Variants in FOXN4 observed in about 807,000 individuals in gnomAD.
FOXN4 encodes forkhead box protein N4.
A neutral mutation model predicts 45.0 loss-of-function variants in FOXN4; 12 were observed. That is an observed-to-expected ratio of 0.27 (90% CI 0.17 to 0.43). The LOEUF (loss-of-function observed/expected upper bound fraction) is 0.43, where lower values mean the gene tolerates loss of function less well. Ranked by LOEUF, FOXN4 falls within the 20% of genes least tolerant of loss-of-function variation. The pLI is 1.00. For missense variants in FOXN4, 560 were observed against 694.9 expected (o/e 0.81, Z 2.18); for synonymous variants, 297 against 295.0 (o/e 1.01, Z -0.07).
At chr12:109,284,297 G>T (rs868813842) in intron 8 of FOXN4, among the ~76,000 whole-genome samples, 1 of 152,244 alleles carries the variant, frequency 6.6e-6, no homozygotes, top group Non-Finnish European at 1.5e-5. Flanking sequence ...GGGTTGGGGA[G>T]GGGGAGGCCT....
At position 109,286,709 on chromosome 12, in the gene FOXN4, G is replaced by T. The variant is rs2047714682; in HGVS notation, c.632C>A (p.Thr211Lys). 6.2e-7 allele frequency: 1 copy of T among 1,608,268 alleles called. No homozygotes were observed. Residue 211 changes from threonine to lysine, a missense_variant, in exon 7 of 10, where the codon ACA becomes AAA. Thr to Lys is a moderately conservative substitution (Grantham distance 78). Around this residue, in one of 5 missense-constraint regions of FOXN4, gnomAD observed 39 missense variants for 81.7 expected, o/e 0.48. Coordinates refer to ENST00000299162, the MANE Select transcript of FOXN4 (RefSeq NM_213596.3). Reference sequence around the variant, plus strand: ...GATCTCGCTCACAGGCAGGCTGCCTGTCTTGCTGTTCTTCAGGGCCATGGC... The same window carrying T: ...GATCTCGCTCACAGGCAGGCTGCCTTTCTTGCTGTTCTTCAGGGCCATGGC... Reference protein sequence around the residue: ...LIAMALKNSKTGSLPVSEIYS... With the variant: ...LIAMALKNSKKGSLPVSEIYS...
rs1032735186 is a variant in FOXN4 at position 109,291,793 on chromosome 12, C to T, written c.87-1507G>A. Among the ~76,000 whole-genome samples the T allele has an allele frequency of 6.6e-6, 1 of 152,096 alleles. No homozygotes were observed. Among genetic ancestry groups the T allele is most frequent in the East Asian group, 1.9e-4 (1 of 5,154 alleles). On this transcript the variant is annotated intron_variant, in intron 2 of 9. Coordinates refer to ENST00000299162, the MANE Select transcript of FOXN4 (RefSeq NM_213596.3). The surrounding 1 kb of genome is among the most constrained non-coding windows in gnomAD (Gnocchi z 6.6). Reference sequence around the variant, plus strand: ...CGATTTGAAAACGCGGCCGGCCGGCCGTGTCAGTGGCAGCAGTTGGTCCGG... The same window carrying T: ...CGATTTGAAAACGCGGCCGGCCGGCTGTGTCAGTGGCAGCAGTTGGTCCGG...
chr12:109,298,260 G>A (rs914566099), intron 2 of FOXN4, among the ~76,000 whole-genome samples: 2 of 151,892 alleles, frequency 1.3e-5, no homozygotes, highest in East Asian at 1.9e-4. Flanking sequence ...AGTAGCCGAG[G>A]GGATGAACTG....
rs886157721 is a variant in FOXN4, at chr12:109,288,204, G to A, written c.233-24C>T. On this transcript the variant is annotated intron_variant, in intron 3 of 9. Coordinates refer to ENST00000299162, the MANE Select transcript of FOXN4 (RefSeq NM_213596.3). This position sits in a 1 kb window ranked among gnomAD's most constrained non-coding sequence, Gnocchi z 4.3. Reference sequence around the variant, plus strand: ...ACCTGCCGGAGAGAAGCACAGAGACGCTGCTGGGCTGGAGGAATGGTGGCT... The same window carrying A: ...ACCTGCCGGAGAGAAGCACAGAGACACTGCTGGGCTGGAGGAATGGTGGCT... 2.5e-5 allele frequency: 39 copies of A among 1,542,306 alleles called. No homozygotes were observed. The Middle Eastern group carries it at 7.0e-4, about 28-fold the overall frequency.
chr12:109,296,963 G>A (rs917168743), intron 2 of FOXN4, among the ~76,000 whole-genome samples: 1 of 152,176 alleles, frequency 6.6e-6, no homozygotes, highest in East Asian at 1.9e-4. Flanking sequence ...GATTGTTATC[G>A]TCACCACCTT....
chr12:109,285,147 T>C, intron 8 of FOXN4, 157 bp downstream of exon 8: 1 of 431,866 alleles, frequency 2.3e-6, no homozygotes, highest in African/African-American at 2.1e-5. Flanking sequence ...CGTGTATTTG[T>C]GTGTGTGCGC....
chr12:109,288,326 C>CACA lies in FOXN4; in HGVS notation c.233-147_233-146insTGT. 1 of 1,158,982 alleles carries CACA rather than the reference C, an allele frequency of 8.6e-7. No individual in the cohort carries two copies. Among genetic ancestry groups the CACA allele is most frequent in the Non-Finnish European group, 1.2e-6 (1 of 844,598 alleles). 71.8% of individuals were successfully genotyped at this position (1,158,982 alleles called of 1,614,324 possible). A position where few individuals can be genotyped will look rare whatever the true frequency, so the allele number is the denominator to read the frequency against. On this transcript the variant is annotated intron_variant, in intron 3 of 9. Transcript: ENST00000299162. The surrounding 1 kb of genome is among the most constrained non-coding windows in gnomAD (Gnocchi z 4.3). The stretch of plus-strand genomic sequence containing the variant: ...ATAGTAGGTGCTTGGCAAATCACTT[C>CACA]CCTGGTGTGTAGTGAAAAGTAGGTT...
chr12:109,305,724 A>C (rs890959255), intron 2 of FOXN4, among the ~76,000 whole-genome samples: 4 of 152,096 alleles, frequency 2.6e-5, no homozygotes, highest in Non-Finnish European at 5.9e-5. Context: ...AGTGACTCAC[A>C]CACACAAAAA....
intron 9 of FOXN4, among the ~76,000 whole-genome samples, 166 bp downstream of exon 9, chr12:109,281,231 GATTTTGGAGC>G (rs1165823029): frequency 1.3e-5 from 2 of 152,160 alleles, no homozygotes; most frequent in African/African-American, 4.8e-5. Flanking sequence ...AAAATTTTTG[GATTTTGGAGC>G]ATTTTGGATT....
chr12:109,283,025 A>C (rs2047667684), intron 8 of FOXN4, among the ~76,000 whole-genome samples: 1 of 151,638 alleles, frequency 6.6e-6, no homozygotes, highest in Non-Finnish European at 1.5e-5. Flanking sequence ...TGAGTTGTTC[A>C]TCCCCAAGCC....
In FOXN4 at chr12:109,279,402, G is replaced by T. The variant is rs1363834779; in HGVS notation, c.*269C>A. The T allele has an allele frequency of 1.9e-6, 1 of 539,490 alleles. No homozygotes were observed. The highest frequency in any genetic ancestry group is 2.1e-5 in the South Asian group (1 of 46,724). The allele number at this position is 539,490 out of a possible 1,614,324, so 33.4% of individuals were successfully genotyped here. ...TCAGGCCTCGGAGGAGTGTCAAGGG[G>T]TCGGGGGATGCTGGGTTGCTTGTCC... On this transcript the variant is annotated 3_prime_UTR_variant, in exon 10 of 10. Coordinates refer to ENST00000299162, the MANE Select transcript of FOXN4 (RefSeq NM_213596.3).
intron 8 of FOXN4, among the ~76,000 whole-genome samples, chr12:109,284,724 A>G (rs1056038507): frequency 6.6e-6 from 1 of 150,960 alleles, no homozygotes; most frequent in African/African-American, 2.4e-5. Flanking sequence ...GCTCCGGTGG[A>G]TGGCGGCCAG....
At chr12:109,293,806 G>C (rs1191068736) in intron 2 of FOXN4, among the ~76,000 whole-genome samples, 1 of 152,168 alleles carries the variant, frequency 6.6e-6, no homozygotes, top group Non-Finnish European at 1.5e-5. Context: ...TAGGCTGACC[G>C]CAGGCCACCA....
rs1049045604 is a variant in FOXN4, at chr12:109,287,343, T to C, written c.596+54A>G. On this transcript the variant is annotated intron_variant, in intron 6 of 9. Coordinates refer to ENST00000299162, the MANE Select transcript of FOXN4 (RefSeq NM_213596.3). The surrounding 1 kb of genome is among the most constrained non-coding windows in gnomAD (Gnocchi z 4.1). ...CTGAGATGCCCTGAGGGCAGCCTCA[T>C]CCCTCTCTCCCGGAGCCGCCCTTGG... is the stretch of plus-strand genomic sequence containing the variant. 3.2e-5 allele frequency: 50 copies of C among 1,547,422 alleles called. No individual in the cohort carries two copies. In the African/African-American group the frequency reaches 6.7e-4, roughly 21 times the overall value.
At chr12:109,285,867 CTT>C (rs10685255) in intron 7 of FOXN4, among the ~76,000 whole-genome samples, 92 of 140,762 alleles carry the variant, frequency 6.5e-4, no homozygotes, top group Admixed American at 2.6e-3. Context: ...TGCAAATTTA[CTT>C]TTTTTTTTTT....
intron 2 of FOXN4, among the ~76,000 whole-genome samples, chr12:109,302,603 A>C (rs2047877613): frequency 1.3e-5 from 2 of 152,220 alleles, no homozygotes; most frequent in Non-Finnish European, 2.9e-5. Context: ...TGAGGATAAG[A>C]TCAGGTAACC....
In FOXN4 at chr12:109,290,271, G is replaced by A. The variant is rs1223287427; in HGVS notation, c.102C>T (p.Thr34=). The change falls in exon 3 of 10, where the codon ACC becomes ACT. Residue 34 remains threonine (T), a synonymous_variant. Coordinates refer to ENST00000299162, the MANE Select transcript of FOXN4 (RefSeq NM_213596.3). The surrounding 1 kb of genome is among the most constrained non-coding windows in gnomAD (Gnocchi z 5.1). ...SPQEYRLLAT[T]SDDDLPGDLQ... ...GGTCCCCGGGAAGGTCATCATCGCT[G>A]GTGGTGGCTAGAAGCCTGCAAAGAG... 1.2e-5 allele frequency: 19 copies of A among 1,549,754 alleles called. No homozygotes were observed. In the East Asian group the frequency reaches 4.6e-4, roughly 38 times the overall value.
intron 9 of FOXN4, among the ~76,000 whole-genome samples, chr12:109,280,609 C>T (rs529238250): frequency 2.6e-5 from 4 of 152,284 alleles, no homozygotes; most frequent in African/African-American, 9.6e-5. Flanking sequence ...CGTTGAACTA[C>T]ACAACAATCC....
intron 8 of FOXN4, among the ~76,000 whole-genome samples, chr12:109,283,095 C>T (rs1017752712): frequency 1.3e-5 from 2 of 152,094 alleles, no homozygotes; most frequent in Non-Finnish European, 2.9e-5. Context: ...GGCCATACTC[C>T]GAAGGCTGGG....
Sources: gnomAD v4.1 joint callset for allele counts (sites outside exome capture counted in the v4.1 genomes callset) on GRCh38, gnomAD v4.1.1 for gene constraint, gnomAD v4.1.1 regional missense constraint, Gnocchi (gnomAD v3.1) non-coding constraint, MANE v1.5 for transcripts, NCBI Gene and HGNC (gene_info 2026-07-23, HGNC 2026-07-21) for gene names.